The following GRM7 variants were observed in gnomAD, a reference collection of about 807,000 sequenced individuals.
GRM7 encodes the protein glutamate metabotropic receptor 7.
In GRM7, 35 loss-of-function variants were observed where a neutral mutation model predicts 84.5. That is an observed-to-expected ratio of 0.41 (90% CI 0.32 to 0.55). The LOEUF (loss-of-function observed/expected upper bound fraction) is 0.55, where lower values mean the gene tolerates loss of function less well. Ranked by LOEUF, GRM7 falls within the 20% of genes least tolerant of loss-of-function variation. The pLI is 0.19. For missense variants in GRM7, 1,003 were observed against 1,194.6 expected (o/e 0.84, Z 2.36); for synonymous variants, 487 against 455.1 (o/e 1.07, Z -0.89).
chr3:6,998,133 A>AAAAAAAAAAAAAAAAAAAAAAAAAAC (rs1694887602), intron 1 of GRM7, among the ~76,000 whole-genome samples: 1 of 146,516 alleles, frequency 6.8e-6, no homozygotes, highest in Non-Finnish European at 1.5e-5. Flanking sequence ...AAAAAAAAAA[A>AAAAAAAAAAAAAAAAAAAAAAAAAAC]AAAAAAGCAG....
intron 1 of GRM7, among the ~76,000 whole-genome samples, chr3:7,044,516 C>G (rs1347928826): frequency 6.6e-6 from 1 of 152,114 alleles, no homozygotes; most frequent in East Asian, 1.9e-4. Context: ...GTTTTCAACA[C>G]TTCCCAATCT....
At chr3:7,179,810 C>T (rs1695277918) in intron 2 of GRM7, among the ~76,000 whole-genome samples, 1 of 152,180 alleles carries the variant, frequency 6.6e-6, no homozygotes, top group Non-Finnish European at 1.5e-5. Flanking sequence ...GAATTAAGTG[C>T]ATTTGATATA....
chr3:7,372,658 T>G (rs1054515233), intron 4 of GRM7, among the ~76,000 whole-genome samples: 15 of 152,146 alleles, frequency 9.9e-5, no homozygotes, highest in Non-Finnish European at 2.2e-4. Context: ...TTTTAGAATT[T>G]TGTACTTTAG....
intron 7 of GRM7, chr3:7,561,305 A>G (rs1283310261): frequency 3.9e-6 from 1 of 256,068 alleles, no homozygotes; most frequent in Admixed American, 4.5e-5. Flanking sequence ...TACATCTTAA[A>G]TTACATTGAA....
intron 2 of GRM7, among the ~76,000 whole-genome samples, chr3:7,229,923 T>C (rs1697137377): frequency 7.2e-6 from 1 of 139,164 alleles, no homozygotes; most frequent in Non-Finnish European, 1.5e-5. Flanking sequence ...CACTGCAAGC[T>C]CCGCCTCCCG....
chr3:7,291,941 C>G (rs1287953328), intron 2 of GRM7, among the ~76,000 whole-genome samples: 1 of 152,152 alleles, frequency 6.6e-6, no homozygotes, highest in East Asian at 1.9e-4. Flanking sequence ...GAATAAGTCT[C>G]AGGAGATCTG....
At chr3:6,877,333 A>G (rs935761303) in intron 1 of GRM7, among the ~76,000 whole-genome samples, 1 of 152,336 alleles carries the variant, frequency 6.6e-6, no homozygotes, top group African/African-American at 2.4e-5. Flanking sequence ...ACGCCAGGAT[A>G]CAGCAGCACA....
At chr3:7,728,068 G>T (rs1372812959) in intron 9 of GRM7, among the ~76,000 whole-genome samples, 1 of 152,176 alleles carries the variant, frequency 6.6e-6, no homozygotes, top group African/African-American at 2.4e-5. Flanking sequence ...GAGATCCGCA[G>T]TCAAAACAAG....
At chr3:7,309,703 T>A (rs1226949316) in intron 4 of GRM7, among the ~76,000 whole-genome samples, 1 of 152,164 alleles carries the variant, frequency 6.6e-6, no homozygotes. Context: ...GAAAGTGGCC[T>A]TTCTCTTCTA....
At chr3:7,709,459 T>G (rs1180653101) in intron 9 of GRM7, among the ~76,000 whole-genome samples, 1 of 152,120 alleles carries the variant, frequency 6.6e-6, no homozygotes, top group Non-Finnish European at 1.5e-5. Context: ...CTGTCATTTC[T>G]TAGGTAGAAG....
intron 2 of GRM7, among the ~76,000 whole-genome samples, chr3:7,174,773 A>T (rs1183491059): frequency 6.6e-6 from 1 of 152,232 alleles, no homozygotes; most frequent in Non-Finnish European, 1.5e-5. Context: ...CTTTGCCTAG[A>T]GGCAAAGGGT....
intron 8 of GRM7, among the ~76,000 whole-genome samples, chr3:7,629,572 G>A (rs1697775855): frequency 6.6e-6 from 1 of 152,130 alleles, no homozygotes; most frequent in African/African-American, 2.4e-5. Flanking sequence ...TAGGCTCTAT[G>A]TTCAAATATA....
intron 2 of GRM7, among the ~76,000 whole-genome samples, chr3:7,231,159 G>T (rs1697184462): frequency 6.6e-6 from 1 of 152,166 alleles, no homozygotes; most frequent in South Asian, 2.1e-4. Context: ...GTCTTGGAAG[G>T]CTCTGGGAGT....
In GRM7 at chr3:7,289,442, C is replaced by T. The variant is rs118185484; in HGVS notation, c.737-9242C>T. 6.2e-4 allele frequency among the ~76,000 whole-genome samples: 95 copies of T among 152,290 alleles called. No individual in the cohort carries two copies. In the East Asian group the frequency reaches 0.018, roughly 28 times the overall value. ...AAACTGGTTCAACCATTGTGGAAAA[C>T]AGTGTGGTGATTCCTCAGGAATCTA... On this transcript the variant is annotated intron_variant, in intron 2 of 9. Coordinates refer to ENST00000357716, the MANE Select transcript of GRM7 (RefSeq NM_000844.4).
chr3:6,963,067 A>T (rs1005273344), intron 1 of GRM7, among the ~76,000 whole-genome samples: 3 of 152,198 alleles, frequency 2.0e-5, no homozygotes, highest in Non-Finnish European at 4.4e-5. Flanking sequence ...GCTTTTATAA[A>T]TAAGATTAAA....
intron 9 of GRM7, among the ~76,000 whole-genome samples, chr3:7,723,796 A>G (rs1442920598): frequency 2.6e-5 from 4 of 152,276 alleles, no homozygotes. Context: ...GCAGTGAGCT[A>G]TAATTGGGCC....
In GRM7 at chr3:7,232,790, G is replaced by A. The variant is rs1042754665; in HGVS notation, c.737-65894G>A. Among the ~76,000 whole-genome samples, 13 of 152,154 alleles carry A rather than the reference G, an allele frequency of 8.5e-5. 2 individuals carry two copies. The highest frequency in any genetic ancestry group is 2.7e-4 in the African/African-American group (11 of 41,440). On this transcript the variant is annotated intron_variant, in intron 2 of 9. Coordinates refer to ENST00000357716, the MANE Select transcript of GRM7 (RefSeq NM_000844.4). ...GTTTACACAGCTAGTAAGTAGCAGAGCTAAGATTCTAACTCAGATCTGATG... is the reference window on the plus strand; with the variant it reads ...GTTTACACAGCTAGTAAGTAGCAGAACTAAGATTCTAACTCAGATCTGATG...
At chr3:7,467,476 G>A (rs529585289) in intron 7 of GRM7, among the ~76,000 whole-genome samples, 7 of 152,270 alleles carry the variant, frequency 4.6e-5, no homozygotes, top group Admixed American at 1.3e-4. Context: ...AATCACTGTA[G>A]CCATAGTGAT....
At chr3:7,116,615 T>C (rs1275127824) in intron 1 of GRM7, among the ~76,000 whole-genome samples, 1 of 152,204 alleles carries the variant, frequency 6.6e-6, no homozygotes, top group Non-Finnish European at 1.5e-5. Flanking sequence ...GGCAACAGGT[T>C]CTGTACCAAG....
Sources: gnomAD v4.1 joint callset for allele counts (sites outside exome capture counted in the v4.1 genomes callset) on GRCh38, gnomAD v4.1.1 for gene constraint, MANE v1.5 for transcripts, NCBI Gene and HGNC (gene_info 2026-07-23, HGNC 2026-07-21) for gene names.